TASP1: variants seen among roughly 807,000 people sequenced by gnomAD.
The protein encoded by TASP1 is taspase 1.
A neutral mutation model predicts 56.6 loss-of-function variants in TASP1; 16 were observed. The observed-to-expected ratio is 0.28, with a 90% CI of 0.19 to 0.43. TASP1 has a LOEUF of 0.43. TASP1 is among the 20% of genes least tolerant of loss of function. TASP1 has a pLI of 1.00. For missense variants in TASP1, 393 were observed against 511.6 expected, an observed-to-expected ratio of 0.77 and a Z score of 2.24; for synonymous variants, 179 against 184.2, an observed-to-expected ratio of 0.97 and a Z score of 0.23.
At chr20:13,622,332 T>C (rs952316653) in intron 4 of TASP1, among the ~76,000 whole-genome samples, 1 of 152,202 alleles carries the variant, frequency 6.6e-6, no homozygotes, top group African/African-American at 2.4e-5. Context: ...GTAGAGCTGG[T>C]ATGAAATGTA....
At chr20:13,258,771 T>C in the TASP1 span, among the ~76,000 whole-genome samples, 5 of 152,112 alleles carry the variant, frequency 3.3e-5, no homozygotes, top group African/African-American at 9.7e-5. Context: ...CGAAAGGAGT[T>C]TGGGTGCCTT....
intron 10 of TASP1, among the ~76,000 whole-genome samples, chr20:13,523,867 T>C (rs1427681661): frequency 2.0e-5 from 3 of 152,124 alleles, no homozygotes; most frequent in Non-Finnish European, 4.4e-5. Flanking sequence ...TCTTAGTCAA[T>C]TGCCATCAGT....
At chr20:13,286,999 A>G in the TASP1 span, among the ~76,000 whole-genome samples, 2 of 152,244 alleles carry the variant, frequency 1.3e-5, no homozygotes, top group Admixed American at 1.3e-4. Flanking sequence ...ATCACGCTTT[A>G]GAGAGAAAGG....
the TASP1 span, among the ~76,000 whole-genome samples, chr20:13,317,876 G>C: frequency 6.6e-6 from 1 of 151,996 alleles, no homozygotes; most frequent in Non-Finnish European, 1.5e-5. Context: ...AGATGACCTT[G>C]TGTTAGGCAA....
intron 4 of TASP1, among the ~76,000 whole-genome samples, chr20:13,591,504 G>A (rs1375538882): frequency 6.6e-6 from 1 of 151,972 alleles, no homozygotes; most frequent in Non-Finnish European, 1.5e-5. Flanking sequence ...TTAAGTAAAG[G>A]CAAAATAAAG....
chr20:13,270,405 C>T, the TASP1 span: 8 of 1,364,592 alleles, frequency 5.9e-6, no homozygotes, highest in Admixed American at 1.7e-4. Flanking sequence ...ATTTCAGCCA[C>T]TGGAATTGTC....
At chr20:13,303,528 T>C in the TASP1 span, among the ~76,000 whole-genome samples, 2 of 152,154 alleles carry the variant, frequency 1.3e-5, no homozygotes, top group Admixed American at 1.3e-4. Flanking sequence ...AGGGGCAACA[T>C]AACAGGCACC....
At chr20:13,161,460 A>G in the TASP1 span, among the ~76,000 whole-genome samples, 2 of 152,202 alleles carry the variant, frequency 1.3e-5, no homozygotes, top group African/African-American at 4.8e-5. Flanking sequence ...AATTGTCCAG[A>G]TATGAGCAAG....
chr20:13,321,133 TGAA>T, the TASP1 span, among the ~76,000 whole-genome samples: 1 of 150,424 alleles, frequency 6.6e-6, no homozygotes, highest in African/African-American at 2.5e-5. Flanking sequence ...CAGGAGGAGG[TGAA>T]GGTTTCCGTG....
At chr20:13,281,942 G>A in the TASP1 span, among the ~76,000 whole-genome samples, 1 of 152,144 alleles carries the variant, frequency 6.6e-6, no homozygotes, top group Non-Finnish European at 1.5e-5. Context: ...AGTCCTCAAA[G>A]TGTGGCCCCC....
chr20:13,275,695 C>T, the TASP1 span, among the ~76,000 whole-genome samples: 1 of 152,200 alleles, frequency 6.6e-6, no homozygotes, highest in Non-Finnish European at 1.5e-5. Flanking sequence ...TCAATGAGAT[C>T]ATCCATATGA....
the TASP1 span, among the ~76,000 whole-genome samples, chr20:13,321,253 T>TAAAAAAAAAAAAAAAAAAAGAAAAAA: frequency 1.7e-5 from 1 of 57,522 alleles, no homozygotes; most frequent in Non-Finnish European, 3.2e-5. Context: ...GTGCCCCACA[T>TAAAAAAAAAAAAAAAAAAAGAAAAAA]AAAAAAAAAA....
intron 4 of TASP1, among the ~76,000 whole-genome samples, chr20:13,618,106 TGCCTTAA>T (rs2048584680): frequency 6.6e-6 from 1 of 151,996 alleles, no homozygotes; most frequent in South Asian, 2.1e-4. Flanking sequence ...GATCCCTGCC[TGCCTTAA>T]AGAAATGAAG....
chr20:13,562,423 A>G (rs1248244131), intron 7 of TASP1, among the ~76,000 whole-genome samples: 1 of 152,094 alleles, frequency 6.6e-6, no homozygotes, highest in East Asian at 1.9e-4. Flanking sequence ...TAAAATAGAT[A>G]ATACCAAAAA....
chr20:13,620,713 G>A (rs1024170863), intron 4 of TASP1, among the ~76,000 whole-genome samples: 13 of 152,288 alleles, frequency 8.5e-5, no homozygotes, highest in African/African-American at 2.4e-4. Flanking sequence ...AAAGATAAGT[G>A]TTTATTCTCA....
At chr20:13,327,920 C>T in the TASP1 span, among the ~76,000 whole-genome samples, 1 of 152,062 alleles carries the variant, frequency 6.6e-6, no homozygotes, top group African/African-American at 2.4e-5. Flanking sequence ...ATGAAAATGT[C>T]AAAAGCAATC....
At chr20:13,108,297 CA>C in the TASP1 span, among the ~76,000 whole-genome samples, 1 of 152,216 alleles carries the variant, frequency 6.6e-6, no homozygotes, top group Non-Finnish European at 1.5e-5. Context: ...AACTCTATTT[CA>C]AAGAACTATC....
chr20:13,601,228 T>G (rs774401806), intron 4 of TASP1, among the ~76,000 whole-genome samples: 1 of 150,928 alleles, frequency 6.6e-6, no homozygotes, highest in Admixed American at 6.6e-5. Context: ...CAGTGAGCTG[T>G]GATCATGCCA....
chr20:13,217,600 C>T, the TASP1 span, among the ~76,000 whole-genome samples: 1 of 152,092 alleles, frequency 6.6e-6, no homozygotes, highest in East Asian at 1.9e-4. Flanking sequence ...GAGAATAGTA[C>T]AATCAAGAGG....
Sources: gnomAD v4.1 joint callset for allele counts (sites outside exome capture counted in the v4.1 genomes callset) on GRCh38, gnomAD v4.1.1 for gene constraint, MANE v1.5 for transcripts, NCBI Gene and HGNC (gene_info 2026-07-23, HGNC 2026-07-21) for gene names.